ERC2: variants seen among roughly 807,000 people sequenced by gnomAD.
The protein encoded by ERC2 is ELKS/RAB6-interacting/CAST family member 2, also known as ERC protein 2.
In ERC2, 42 loss-of-function variants were observed where a neutral mutation model predicts 114.8. That is an observed-to-expected ratio of 0.37 (90% CI 0.29 to 0.47). The LOEUF (loss-of-function observed/expected upper bound fraction) is 0.47. ERC2 is among the 20% of genes least tolerant of loss of function. ERC2 has a pLI of 0.99. For synonymous variants in ERC2, 454 were observed against 425.5 expected (o/e 1.07, Z -0.82); for missense variants, 939 against 1,150.7 (o/e 0.82, Z 2.66).
chr3:56,131,033 T>A (rs1245264070), intron 6 of ERC2, among the ~76,000 whole-genome samples: 3 of 152,008 alleles, frequency 2.0e-5, no homozygotes, highest in Non-Finnish European at 4.4e-5. Flanking sequence ...ACTACCATCA[T>A]CCATACTCTC....
At chr3:55,830,626 T>G (rs528113644) in intron 14 of ERC2, among the ~76,000 whole-genome samples, 6 of 152,294 alleles carry the variant, frequency 3.9e-5, no homozygotes, top group South Asian at 2.1e-4. Flanking sequence ...GGTACCTGTA[T>G]AGTAATCTCT....
chr3:55,610,064 C>CAAAAAAAAAA (rs36088271), intron 17 of ERC2, among the ~76,000 whole-genome samples: 8 of 118,728 alleles, frequency 6.7e-5, no homozygotes, highest in Non-Finnish European at 9.0e-5. Context: ...CAAACACAAA[C>CAAAAAAAAAA]AAAAAAAAAA....
At chr3:56,433,512 A>G (rs1315594198) in intron 2 of ERC2, among the ~76,000 whole-genome samples, 2 of 152,222 alleles carry the variant, frequency 1.3e-5, no homozygotes, top group African/African-American at 4.8e-5. Context: ...AGTGGTACAG[A>G]AAGCACAGAT....
chr3:56,358,760 G>C (rs2058838042), intron 2 of ERC2, among the ~76,000 whole-genome samples: 1 of 152,194 alleles, frequency 6.6e-6, no homozygotes, highest in African/African-American at 2.4e-5. Context: ...CTGCAATATG[G>C]GATAATGGTG....
intron 2 of ERC2, among the ~76,000 whole-genome samples, chr3:56,397,814 C>A (rs181909652): frequency 6.6e-6 from 1 of 152,258 alleles, no homozygotes; most frequent in African/African-American, 2.4e-5. Context: ...GTATCAAATG[C>A]CCATGTCTTG....
At chr3:56,238,905 C>T (rs900177250) in intron 3 of ERC2, among the ~76,000 whole-genome samples, 1 of 152,158 alleles carries the variant, frequency 6.6e-6, no homozygotes, top group Non-Finnish European at 1.5e-5. Flanking sequence ...AGAGTTATTT[C>T]AAGAAGAAAG....
At chr3:56,052,059 G>C (rs997812041) in intron 7 of ERC2, among the ~76,000 whole-genome samples, 1 of 152,082 alleles carries the variant, frequency 6.6e-6, no homozygotes, top group Non-Finnish European at 1.5e-5. Context: ...TGTCCACTTC[G>C]CTTTAAAAGA....
At position 56,175,887 on chromosome 3, in the gene ERC2, AT is replaced by A. The variant is rs754203834; in HGVS notation, c.1075-2368del. On this transcript the variant is annotated intron_variant, in intron 3 of 17. Transcript: ENST00000288221. ...GTACATTTAATTTGTAACATTAGTTATTAGAAGAAGTTTCCAATCAATTTGG... is the reference window on the plus strand; with the variant it reads ...GTACATTTAATTTGTAACATTAGTTATAGAAGAAGTTTCCAATCAATTTGG... Among the ~76,000 whole-genome samples, 3 of 151,872 alleles carry A rather than the reference AT, an allele frequency of 2.0e-5. No homozygotes were observed. The East Asian group carries it at 5.8e-4, about 29-fold the overall frequency.
rs188540803 is a variant in ERC2, at chr3:56,031,253, C to A, written c.1642-12222G>T. ...CAGGCTCATCCCTGTGGACCCCAAC[C>A]CAAGCTGATCCCCATGGACATAAGA... On this transcript the variant is annotated intron_variant, in intron 7 of 17. Coordinates refer to ENST00000288221, the MANE Select transcript of ERC2 (RefSeq NM_015576.3). Among the ~76,000 whole-genome samples the A allele has an allele frequency of 2.0e-5, 3 of 152,350 alleles. No individual in the cohort carries two copies. The East Asian group carries it at 5.8e-4, about 29-fold the overall frequency.
intron 13 of ERC2, among the ~76,000 whole-genome samples, chr3:55,934,449 A>G (rs1430954304): frequency 6.6e-6 from 1 of 152,228 alleles, no homozygotes; most frequent in Non-Finnish European, 1.5e-5. Flanking sequence ...ATTGATTCAT[A>G]CAAACTGATG....
At chr3:56,093,797 C>T (rs2077914829) in intron 6 of ERC2, among the ~76,000 whole-genome samples, 1 of 151,958 alleles carries the variant, frequency 6.6e-6, no homozygotes. Context: ...TAGGTGTCTA[C>T]AAGGTTGTTT....
chr3:56,235,528 G>C (rs971689794), intron 3 of ERC2, among the ~76,000 whole-genome samples: 1 of 152,080 alleles, frequency 6.6e-6, no homozygotes, highest in African/African-American at 2.4e-5. Flanking sequence ...AAATTCATTG[G>C]AACTGAGTAG....
chr3:55,519,442 T>C (rs990606232), intron 17 of ERC2, among the ~76,000 whole-genome samples: 3 of 152,222 alleles, frequency 2.0e-5, no homozygotes, highest in Non-Finnish European at 2.9e-5. Context: ...AAAATCATTG[T>C]TAAAGGTGAA....
At chr3:55,827,074 C>T (rs923054021) in intron 14 of ERC2, among the ~76,000 whole-genome samples, 1 of 152,194 alleles carries the variant, frequency 6.6e-6, no homozygotes, top group African/African-American at 2.4e-5. Context: ...GGAAGTAACA[C>T]GGTCTAATTG....
At chr3:56,383,512 T>A (rs2059828179) in intron 2 of ERC2, among the ~76,000 whole-genome samples, 1 of 152,216 alleles carries the variant, frequency 6.6e-6, no homozygotes, top group Non-Finnish European at 1.5e-5. Context: ...TTCATTTATA[T>A]ATTCCCAACA....
At chr3:56,244,229 G>A (rs2051520109) in intron 3 of ERC2, among the ~76,000 whole-genome samples, 1 of 152,104 alleles carries the variant, frequency 6.6e-6, no homozygotes, top group African/African-American at 2.4e-5. Context: ...TGTTTGTGGT[G>A]CTGCTGGTGC....
intron 3 of ERC2, among the ~76,000 whole-genome samples, chr3:56,294,754 T>C (rs1237908136): frequency 1.3e-5 from 2 of 152,122 alleles, no homozygotes; most frequent in African/African-American, 2.4e-5. Context: ...TTCCAAGGAG[T>C]AGGGATTATT....
At chr3:56,046,375 T>G (rs1263246969) in intron 7 of ERC2, among the ~76,000 whole-genome samples, 5 of 152,148 alleles carry the variant, frequency 3.3e-5, no homozygotes, top group Non-Finnish European at 7.4e-5. Context: ...GCGAGTAAGC[T>G]CCTCCTCCCT....
chr3:56,247,926 C>G (rs1033204817), intron 3 of ERC2, among the ~76,000 whole-genome samples: 3 of 152,182 alleles, frequency 2.0e-5, no homozygotes, highest in African/African-American at 7.2e-5. Flanking sequence ...AACATGCTAT[C>G]TGAAACACAG....
Sources: allele counts gnomAD v4.1 joint callset (sites outside exome capture counted in the v4.1 genomes callset), GRCh38; gene constraint gnomAD v4.1.1; transcripts MANE v1.5; gene names NCBI Gene and HGNC (gene_info 2026-07-23, HGNC 2026-07-21).